Variants in CPQ observed in about 807,000 individuals in gnomAD.
CPQ encodes Ser-Met dipeptidase.
Under a neutral mutation model 45.7 loss-of-function variants are expected in CPQ, and 37 were observed. The observed-to-expected ratio is 0.81, with a 90% CI of 0.62 to 1.07. CPQ has a LOEUF of 1.07. Ranked by LOEUF, CPQ falls within the 50% of genes least tolerant of loss-of-function variation. CPQ has a pLI of 0.00. For missense variants in CPQ, 537 were observed against 572.9 expected (o/e 0.94, Z 0.64); for synonymous variants, 186 against 205.8 (o/e 0.90, Z 0.82).
chr8:96,735,279 T>C (rs771676673), intron 1 of CPQ, among the ~76,000 whole-genome samples: 3 of 152,232 alleles, frequency 2.0e-5, no homozygotes, highest in Non-Finnish European at 4.4e-5. Flanking sequence ...CTGGCATATA[T>C]TAAGCCTTCA....
chr8:96,706,682 T>C (rs1809534429), intron 1 of CPQ, among the ~76,000 whole-genome samples: 1 of 152,186 alleles, frequency 6.6e-6, no homozygotes, highest in South Asian at 2.1e-4. Flanking sequence ...CTTTATTCAT[T>C]GACAGTAACT....
At position 96,697,767 on chromosome 8, in the gene CPQ, A is replaced by G. The variant is rs554912687; in HGVS notation, c.-35+52365A>G. ...AAGTAATCCCACTTACAGTAGCTACAAATAAAATTAAATACCTAGGAATTA... is the reference window on the plus strand; with the variant it reads ...AAGTAATCCCACTTACAGTAGCTACGAATAAAATTAAATACCTAGGAATTA... On this transcript the variant is annotated intron_variant, in intron 1 of 7. Coordinates refer to ENST00000220763, the MANE Select transcript of CPQ (RefSeq NM_016134.4). Among the ~76,000 whole-genome samples the G allele has an allele frequency of 2.0e-5, 3 of 152,298 alleles. No homozygotes were observed. The South Asian group carries it at 6.2e-4, about 32-fold the overall frequency.
At chr8:96,758,127 G>C (rs1810350446) in intron 1 of CPQ, among the ~76,000 whole-genome samples, 1 of 151,936 alleles carries the variant, frequency 6.6e-6, no homozygotes, top group Admixed American at 6.6e-5. Context: ...AAATAACTGT[G>C]CTTCCACTCA....
At chr8:97,008,284 G>A (rs1203881647) in intron 5 of CPQ, among the ~76,000 whole-genome samples, 1 of 152,204 alleles carries the variant, frequency 6.6e-6, no homozygotes, top group Non-Finnish European at 1.5e-5. Context: ...ATCAAGCCAA[G>A]GAGAGCTGGG....
intron 5 of CPQ, among the ~76,000 whole-genome samples, chr8:97,002,542 G>A (rs980136685): frequency 2.0e-5 from 3 of 152,138 alleles, no homozygotes; most frequent in Non-Finnish European, 2.9e-5. Flanking sequence ...TCAGGAGCAA[G>A]TTATTCAATT....
chr8:96,974,077 C>T (rs942376948), intron 5 of CPQ, among the ~76,000 whole-genome samples: 2 of 152,088 alleles, frequency 1.3e-5, no homozygotes, highest in African/African-American at 4.8e-5. Flanking sequence ...AACAGAATGA[C>T]AGAATGGATA....
chr8:96,710,438 A>C (rs1167981965), intron 1 of CPQ, among the ~76,000 whole-genome samples: 1 of 152,112 alleles, frequency 6.6e-6, no homozygotes, highest in Non-Finnish European at 1.5e-5. Context: ...ATGTGACATT[A>C]GGTTATTAAT....
chr8:97,142,159 G>A (rs1385325550), intron 7 of CPQ, among the ~76,000 whole-genome samples: 1 of 152,124 alleles, frequency 6.6e-6, no homozygotes, highest in African/African-American at 2.4e-5. Context: ...ATACATTTAT[G>A]TTCTGTACAA....
Position 96,926,540 on chromosome 8 carries a change from T to TTCTTCCTCTTCCTCTTCCTCTTCC in CPQ, c.850-39377_850-39354dup, listed in dbSNP as rs760348999. On this transcript the variant is annotated intron_variant, in intron 4 of 7. Coordinates refer to ENST00000220763, the MANE Select transcript of CPQ (RefSeq NM_016134.4). The stretch of plus-strand genomic sequence containing the variant: ...CAGTCCTCCTTTCTTCTTTTTCTTC[T>TTCTTCCTCTTCCTCTTCCTCTTCC]TCTTCCTCTTCCTCTTCCTCTTCCT... Among the ~76,000 whole-genome samples, 8 of 127,540 alleles carry TTCTTCCTCTTCCTCTTCCTCTTCC rather than the reference T, an allele frequency of 6.3e-5. 1 individual carries two copies. Among genetic ancestry groups the TTCTTCCTCTTCCTCTTCCTCTTCC allele is most frequent in the African/African-American group, 1.6e-4 (5 of 30,786 alleles). The allele number at this position is 127,540 out of a possible 152,430, so 83.7% of individuals were successfully genotyped here. A position where few individuals can be genotyped will look rare whatever the true frequency, so the allele number is the denominator to read the frequency against.
In CPQ at chr8:97,023,131, A is replaced by G. The variant is rs187968323; in HGVS notation, c.962-6272A>G. ...TACACACTATATATATATACTATAT[A>G]TGTTACTCAACCATAAAAACGAATG... On this transcript the variant is annotated intron_variant, in intron 5 of 7. Transcript: ENST00000220763. Among the ~76,000 whole-genome samples, 64 of 149,732 alleles carry G rather than the reference A, an allele frequency of 4.3e-4. No homozygotes were observed. In the East Asian group the frequency reaches 8.8e-3, roughly 20 times the overall value.
intron 1 of CPQ, among the ~76,000 whole-genome samples, chr8:96,716,363 G>A (rs1348936004): frequency 3.3e-5 from 5 of 152,052 alleles, no homozygotes; most frequent in Admixed American, 3.3e-4. Flanking sequence ...TAAGGGAACA[G>A]GTGGTGTTTT....
intron 4 of CPQ, among the ~76,000 whole-genome samples, chr8:96,957,404 T>G (rs1813374076): frequency 6.6e-6 from 1 of 152,156 alleles, no homozygotes; most frequent in African/African-American, 2.4e-5. Flanking sequence ...TGTTCAAAAT[T>G]TAAGTTAAAG....
chr8:96,701,848 G>A (rs1809466536), intron 1 of CPQ, among the ~76,000 whole-genome samples: 1 of 152,172 alleles, frequency 6.6e-6, no homozygotes, highest in South Asian at 2.1e-4. Flanking sequence ...CCTAACTGAA[G>A]GAACTTTTGT....
chr8:97,042,546 C>G (rs28870695), intron 6 of CPQ, among the ~76,000 whole-genome samples: 19,154 of 151,512 alleles, frequency 0.13, 2,837 homozygotes, highest in African/African-American at 0.36. Flanking sequence ...TGTGTTTGCT[C>G]TTGCTTTTCT....
intron 7 of CPQ, among the ~76,000 whole-genome samples, chr8:97,135,159 C>T (rs767886727): frequency 1.3e-5 from 2 of 152,158 alleles, no homozygotes; most frequent in South Asian, 2.1e-4. Context: ...GGCTTAGTGG[C>T]GCACCTAAAA....
chr8:96,878,577 C>T (rs1586435547), intron 3 of CPQ, among the ~76,000 whole-genome samples: 1 of 152,114 alleles, frequency 6.6e-6, no homozygotes, highest in Admixed American at 6.5e-5. Flanking sequence ...AGTCTTGTTC[C>T]AGACCTTCTG....
chr8:97,136,451 A>G (rs958908045), intron 7 of CPQ, among the ~76,000 whole-genome samples: 1 of 152,216 alleles, frequency 6.6e-6, no homozygotes, highest in African/African-American at 2.4e-5. Flanking sequence ...AATCCTCACA[A>G]GCATCTTGGA....
chr8:96,744,198 G>C, intron 1 of CPQ, among the ~76,000 whole-genome samples: 1 of 150,776 alleles, frequency 6.6e-6, no homozygotes. Context: ...TTTTAAGCCA[G>C]TCGGAAAAGC....
chr8:96,918,266 A>G (rs999377913), intron 4 of CPQ, among the ~76,000 whole-genome samples: 5 of 152,158 alleles, frequency 3.3e-5, no homozygotes, highest in Admixed American at 2.0e-4. Context: ...TGAGATATCA[A>G]TTTTAAACAT....
Sources: allele counts gnomAD v4.1 joint callset (sites outside exome capture counted in the v4.1 genomes callset), GRCh38; gene constraint gnomAD v4.1.1; transcripts MANE v1.5; gene names NCBI Gene and HGNC (gene_info 2026-07-23, HGNC 2026-07-21).